SURF2: variants seen among roughly 807,000 people sequenced by gnomAD.
SURF2 encodes the protein surfeit 2, also known as surfeit locus protein 2.
SURF2 carries 32 observed loss-of-function variants against 26.2 expected under a neutral mutation model. The observed-to-expected ratio is 1.22, with a 90% CI of 0.92 to 1.64. SURF2 has a LOEUF of 1.64. Ranked by LOEUF, SURF2 falls within the 40% of genes most tolerant of loss-of-function variation. The pLI, the probability that SURF2 is intolerant of heterozygous loss-of-function variation, is 0.00. For synonymous variants in SURF2, 173 were observed against 139.1 expected (o/e 1.24, Z -1.71); for missense variants, 415 against 341.6 (o/e 1.21, Z -1.69).
At position 133,357,628 on chromosome 9, in the gene SURF2, C is replaced by A; in HGVS notation, c.234-83C>A. 4 of 1,342,624 alleles carry A rather than the reference C, an allele frequency of 3.0e-6. No homozygotes were observed. In the South Asian group the frequency reaches 3.6e-5, roughly 12 times the overall value. 83.2% of individuals were successfully genotyped at this position (1,342,624 alleles called of 1,614,324 possible). A position where few individuals can be genotyped will look rare whatever the true frequency, so the allele number is the denominator to read the frequency against. ...ATGTCCAAGCCGCATGGTAGACTGT[C>A]CAGGGATGAGTCCAAGACACAGCCA... is the stretch of plus-strand genomic sequence containing the variant. On this transcript the variant is annotated intron_variant, in intron 2 of 5. Transcript: ENST00000371964.
rs1836613628 is a variant in SURF2 at position 133,356,854 on chromosome 9, G to A, written c.79-60G>A. ...GAGAGGGAAGGGGGCGCGGCAGGAG[G>A]GGGCACCAGGGAGCGGAGCCCTGGC... On this transcript the variant is annotated intron_variant, in intron 1 of 5. Transcript: ENST00000371964. The A allele has an allele frequency of 4.0e-6, 6 of 1,483,400 alleles. No homozygotes were observed. The African/African-American group carries it at 4.2e-5, about 10-fold the overall frequency. 91.9% of individuals were successfully genotyped at this position (1,483,400 alleles called of 1,614,324 possible). A position where few individuals can be genotyped will look rare whatever the true frequency, so the allele number is the denominator to read the frequency against.
At position 133,360,149 on chromosome 9, in the gene SURF2, C is replaced by CTTCT. The variant is rs2130048348; in HGVS notation, c.517+21_517+24dup. The CTTCT allele has an allele frequency of 1.3e-6, 2 of 1,592,644 alleles. No individual in the cohort carries two copies. The highest frequency in any genetic ancestry group is 1.7e-6 in the Non-Finnish European group (2 of 1,167,252). ...ACCCACGTAAGCAGAACAGGCCCTG[C>CTTCT]TTCTCCCTGACCCTCTACTGTCAGC... On this transcript the variant is annotated intron_variant, in intron 4 of 5. Coordinates refer to ENST00000371964, the MANE Select transcript of SURF2 (RefSeq NM_017503.5).
At chr9:133,360,514 G>C in intron 5 of SURF2, 80 bp downstream of exon 5, 1 of 1,420,704 alleles carries the variant, frequency 7.0e-7, no homozygotes, top group African/African-American at 1.4e-5. Flanking sequence ...AAAGAAAACT[G>C]AACCTTTTTC....
Position 133,356,715 on chromosome 9 carries a change from T to C in SURF2, c.78+45T>C, listed in dbSNP as rs2130029813. 1,133 of 1,480,164 alleles carry C rather than the reference T, an allele frequency of 7.7e-4. 13 individuals carry two copies. In the African/African-American group the frequency reaches 0.015, roughly 20 times the overall value. 91.7% of individuals were successfully genotyped at this position (1,480,164 alleles called of 1,614,324 possible). A position where few individuals can be genotyped will look rare whatever the true frequency, so the allele number is the denominator to read the frequency against. Reference sequence around the variant, plus strand: ...AACGGAGTGGCGGAGAAGGGCGCAGTTGGGATGAGGGGCTGAGGGGAGGGC... The same window carrying C: ...AACGGAGTGGCGGAGAAGGGCGCAGCTGGGATGAGGGGCTGAGGGGAGGGC... On this transcript the variant is annotated intron_variant, in intron 1 of 5. Transcript: ENST00000371964.
intron 3 of SURF2, 62 bp downstream of exon 3, chr9:133,357,876 G>C (rs1453049785): frequency 2.0e-6 from 3 of 1,526,850 alleles, no homozygotes; most frequent in Non-Finnish European, 2.7e-6. Flanking sequence ...CCTTGCCCCA[G>C]ATGGAGCGTG....
Position 133,361,112 on chromosome 9 carries a change from C to T in SURF2, c.744C>T (p.Ser248=), listed in dbSNP as rs2130058065. Residue 248 remains serine, a synonymous_variant, in exon 6 of 6, where the codon AGC becomes AGT. Coordinates refer to ENST00000371964, the MANE Select transcript of SURF2 (RefSeq NM_017503.5). ...KFKSHHRKPK[S]FSSCKQPG ...AGAGTCATCACCGCAAACCCAAGAGCTTCAGCTCCTGTAAACAGCCAGGTT... is the reference window on the plus strand; with the variant it reads ...AGAGTCATCACCGCAAACCCAAGAGTTTCAGCTCCTGTAAACAGCCAGGTT... The T allele has an allele frequency of 6.2e-7, 1 of 1,614,192 alleles. No homozygotes were observed. The highest frequency in any genetic ancestry group is 8.5e-7 in the Non-Finnish European group (1 of 1,180,016).
In SURF2 at chr9:133,356,607, G is replaced by A. The variant is rs2130028676; in HGVS notation, c.15G>A (p.Pro5=). Reference sequence around the variant, plus strand: ...GCGCGTCGGCCATGAGCGAGTTGCCGGGCGACGTGCGGGCGTTTCTGCGGG... The same window carrying A: ...GCGCGTCGGCCATGAGCGAGTTGCCAGGCGACGTGCGGGCGTTTCTGCGGG... MSEL[P]GDVRAFLREH... is the part of the protein sequence containing the mutation. The change falls in exon 1 of 6, where the codon CCG becomes CCA. Residue 5 remains proline (P), a synonymous_variant. Transcript: ENST00000371964. 9.2e-6 allele frequency: 14 copies of A among 1,524,524 alleles called. No homozygotes were observed. The highest frequency in any genetic ancestry group is 4.2e-5 in the African/African-American group (3 of 71,050). The allele number at this position is 1,524,524 out of a possible 1,614,324, so 94.4% of individuals were successfully genotyped here.
At chr9:133,357,588 G>A in intron 2 of SURF2, 123 bp from the exon 3 acceptor site, 1 of 846,382 alleles carries the variant, frequency 1.2e-6, no homozygotes. Context: ...TGCTCCGGGA[G>A]CCTTTAAAAG....
At position 133,360,335 on chromosome 9, in the gene SURF2, C is replaced by G; in HGVS notation, c.588C>G (p.Asp196Glu). ...DGDGTDDFLTDKEDEKAKPPR... is the reference protein window; with the variant it reads ...DGDGTDDFLTEKEDEKAKPPR... The stretch of plus-strand genomic sequence containing the variant: ...ATGGCACTGATGACTTTTTGACAGA[C>G]AAAGAGGATGAGAAGGCAAAGCCCC... The change falls in exon 5 of 6, where the codon GAC becomes GAG. Residue 196 changes from aspartate to glutamate, a missense_variant. Physicochemically the swap from Asp to Glu is conservative, Grantham distance 45. Transcript: ENST00000371964. 1 of 1,614,076 alleles carries G rather than the reference C, an allele frequency of 6.2e-7. No individual in the cohort carries two copies. The highest frequency in any genetic ancestry group is 8.5e-7 in the Non-Finnish European group (1 of 1,180,026).
chr9:133,359,167 C>T (rs1323936443), intron 3 of SURF2, among the ~76,000 whole-genome samples: 2 of 152,188 alleles, frequency 1.3e-5, no homozygotes, highest in Non-Finnish European at 2.9e-5. Flanking sequence ...GCCGAGGTCA[C>T]TGCAAGGCAG....
chr9:133,359,062 G>T (rs148846205), intron 3 of SURF2, among the ~76,000 whole-genome samples: 1 of 152,308 alleles, frequency 6.6e-6, no homozygotes, highest in Non-Finnish European at 1.5e-5. Context: ...TAGCTGCTCA[G>T]GGGTGGGCAG....
Position 133,361,084 on chromosome 9 carries a change from T to TC in SURF2, c.717dup (p.Lys240GlnfsTer14), listed in dbSNP as rs2130057452. 6.2e-7 allele frequency: 1 copy of TC among 1,614,082 alleles called. No homozygotes were observed. Among genetic ancestry groups the TC allele is most frequent in the East Asian group, 2.2e-5 (1 of 44,882 alleles). On this transcript the variant is annotated frameshift_variant, in exon 6 of 6. Transcript: ENST00000371964. LOFTEE classifies it high-confidence loss of function. Reference sequence around the variant, plus strand: ...CAGTTGGGCTCGTTGAAAAAGAAGTTCAAGAGTCATCACCGCAAACCCAAG... The same window carrying TC: ...CAGTTGGGCTCGTTGAAAAAGAAGTTCCAAGAGTCATCACCGCAAACCCAAG...
At chr9:133,356,697 T>C in intron 1 of SURF2, 27 bp downstream of exon 1, 1 of 1,453,444 alleles carries the variant, frequency 6.9e-7, no homozygotes, top group Non-Finnish European at 9.0e-7. Context: ...GGGAACGGAG[T>C]GGCGGAGAAG....
intron 4 of SURF2, 59 bp downstream of exon 4, chr9:133,360,188 TG>T: frequency 6.3e-7 from 1 of 1,592,284 alleles, no homozygotes; most frequent in Non-Finnish European, 8.6e-7. Context: ...GAGCAGACTG[TG>T]GTGCTGCCTC....
chr9:133,360,276 A>C lies in SURF2; in HGVS notation c.529A>C (p.Thr177Pro), dbSNP rs2130049680. The change falls in exon 5 of 6, where the codon ACC becomes CCC. Residue 177 changes from threonine to proline, a missense_variant. By Grantham distance (38) the Thr-to-Pro change is conservative. Coordinates refer to ENST00000371964, the MANE Select transcript of SURF2 (RefSeq NM_017503.5). ...MTDLYPPELF[T>P]RKDLGSTEDG... ...TGTGTTCCTCCCAGCTGAGCTATTC[A>C]CCAGAAAGGACCTTGGAAGCACGGA... 6.2e-7 allele frequency: 1 copy of C among 1,613,798 alleles called. No individual in the cohort carries two copies.
rs1225913371 is a variant in SURF2, at chr9:133,357,011, C to T, written c.176C>T (p.Ser59Phe). The part of the protein sequence containing the change: ...GKKYQRLVRA[S>F]PAFDYAEFEP... ...AAGTACCAGCGGCTGGTCCGCGCCT[C>T]CCCGGCCTTCGACTATGCAGAGTTC... The change falls in exon 2 of 6, where the codon TCC becomes TTC. Residue 59 changes from serine to phenylalanine, a missense_variant. Coordinates refer to ENST00000371964, the MANE Select transcript of SURF2 (RefSeq NM_017503.5). 2 of 1,570,956 alleles carry T rather than the reference C, an allele frequency of 1.3e-6. No homozygotes were observed. Among genetic ancestry groups the T allele is most frequent in the African/African-American group, 1.3e-5 (1 of 74,136 alleles).
Position 133,360,053 on chromosome 9 carries a change from G to C in SURF2, c.441G>C (p.Arg147=), listed in dbSNP as rs2130047065. The C allele has an allele frequency of 6.2e-7, 1 of 1,614,062 alleles. No individual in the cohort carries two copies. Among genetic ancestry groups the C allele is most frequent in the African/African-American group, 1.3e-5 (1 of 75,042 alleles). The change falls in exon 4 of 6, where the codon CGG becomes CGC. Residue 147 remains arginine, a synonymous_variant. Coordinates refer to ENST00000371964, the MANE Select transcript of SURF2 (RefSeq NM_017503.5). ...DQMDGDGPRP[R]EAFWEPTSSD... ...TGGACGGTGACGGGCCTCGCCCGCG[G>C]GAAGCCTTCTGGGAGCCCACATCCA...
At position 133,360,124 on chromosome 9, in the gene SURF2, A is replaced by C; in HGVS notation, c.512A>C (p.Tyr171Ser). Reference protein sequence around the residue: ...AASDDSMTDLYPPELFTRKDL... With the variant: ...AASDDSMTDLSPPELFTRKDL... ...AGTGATGACAGCATGACAGACCTGT[A>C]CCCACGTAAGCAGAACAGGCCCTGC... The change falls in exon 4 of 6, where the codon TAC becomes TCC. Residue 171 changes from tyrosine (Y) to serine (S), a missense_variant. By Grantham distance (144) the Tyr-to-Ser change is moderately radical. Transcript: ENST00000371964. 6.2e-7 allele frequency: 1 copy of C among 1,607,366 alleles called. No homozygotes were observed.
intron 2 of SURF2, 108 bp downstream of exon 2, chr9:133,357,176 G>C (rs2130033202): frequency 7.4e-7 from 1 of 1,353,076 alleles, no homozygotes; most frequent in Non-Finnish European, 9.6e-7. Flanking sequence ...GGAGCCCTGG[G>C]ACCCAGGTGG....
Sources: allele counts gnomAD v4.1 joint callset (sites outside exome capture counted in the v4.1 genomes callset), GRCh38; gene constraint gnomAD v4.1.1; transcripts MANE v1.5; gene names NCBI Gene and HGNC (gene_info 2026-07-23, HGNC 2026-07-21).